The following ZDHHC18 variants were observed in gnomAD, a reference collection of about 807,000 sequenced individuals.
The protein encoded by ZDHHC18 is palmitoyltransferase ZDHHC18.
ZDHHC18 carries 23 observed loss-of-function variants against 37.5 expected under a neutral mutation model. The observed-to-expected ratio is 0.61, with a 90% CI of 0.44 to 0.87. ZDHHC18 has a LOEUF of 0.87. Among genes scored for constraint, ZDHHC18 ranks in the 40% least tolerant of loss-of-function variants. The pLI is 0.00. For synonymous variants in ZDHHC18, 185 were observed against 218.7 expected (o/e 0.85, Z 1.36); for missense variants, 406 against 525.6 (o/e 0.77, Z 2.22).
intron 2 of ZDHHC18, among the ~76,000 whole-genome samples, chr1:26,846,136 A>C (rs1221021553): frequency 6.7e-6 from 1 of 149,246 alleles, no homozygotes; most frequent in Admixed American, 6.8e-5. Flanking sequence ...GTGTGTATAT[A>C]TATGTGTGTA....
chr1:26,839,328 G>A (rs566129361), intron 2 of ZDHHC18, among the ~76,000 whole-genome samples: 1 of 152,172 alleles, frequency 6.6e-6, no homozygotes, highest in Non-Finnish European at 1.5e-5. Flanking sequence ...CCTGAGGGCA[G>A]GGATAGCATC....
At chr1:26,835,227 A>G (rs2081606273) in intron 2 of ZDHHC18, among the ~76,000 whole-genome samples, 1 of 152,188 alleles carries the variant, frequency 6.6e-6, no homozygotes, top group African/African-American at 2.4e-5. Context: ...GATATTAGAG[A>G]TATTCCAGTT....
rs2081695667 is a variant in ZDHHC18 at position 26,850,298 on chromosome 1, C to T, written c.647-3C>T. The T allele has an allele frequency of 1.2e-6, 2 of 1,614,102 alleles. No homozygotes were observed. The highest frequency in any genetic ancestry group is 1.7e-6 in the Non-Finnish European group (2 of 1,179,980). ...TAACCCATCGCCCCTTGCCCTTGTC[C>T]AGAACGATTTGACCATCACTGCCCC... On this transcript the variant is annotated splice_region_variant and splice_polypyrimidine_tract_variant and intron_variant, in intron 3 of 7. Coordinates refer to ENST00000374142, the MANE Select transcript of ZDHHC18 (RefSeq NM_032283.3). The surrounding 1 kb of genome is among the most constrained non-coding windows in gnomAD (Gnocchi z 6.1).
intron 2 of ZDHHC18, among the ~76,000 whole-genome samples, chr1:26,836,325 C>T (rs1208605748): frequency 2.0e-5 from 3 of 152,176 alleles, no homozygotes; most frequent in Non-Finnish European, 4.4e-5. Flanking sequence ...AGACCTGCCT[C>T]GTGTTCCACC....
Position 26,846,290 on chromosome 1 carries a change from G to GTGTA in ZDHHC18, c.497-2317_497-2316insGTAT, listed in dbSNP as rs1176068068. On this transcript the variant is annotated intron_variant, in intron 2 of 7. Coordinates refer to ENST00000374142, the MANE Select transcript of ZDHHC18 (RefSeq NM_032283.3). ...GAGATATATGTGTGTGTGTGTGTGT[G>GTGTA]TATATATATATATATATATATTTTT... 4.0e-3 allele frequency among the ~76,000 whole-genome samples: 192 copies of GTGTA among 47,852 alleles called. 1 individual carries two copies. Among genetic ancestry groups the GTGTA allele is most frequent in the Middle Eastern group, 0.02 (1 of 50 alleles). 31.4% of individuals were successfully genotyped at this position (47,852 alleles called of 152,430 possible).
intron 2 of ZDHHC18, among the ~76,000 whole-genome samples, chr1:26,836,563 T>C (rs919841554): frequency 1.3e-5 from 2 of 149,194 alleles, no homozygotes; most frequent in Admixed American, 6.7e-5. Flanking sequence ...TCTTTTTTTT[T>C]CTTTTTTTCT....
At position 26,834,463 on chromosome 1, in the gene ZDHHC18, A is replaced by G. The variant is rs139698467; in HGVS notation, c.496+1856A>G. ...TCTTCTGAGATGGCAGCAGGGACACATCTCCTTCATCCTCTTCTCCACTTG... is the reference window on the plus strand; with the variant it reads ...TCTTCTGAGATGGCAGCAGGGACACGTCTCCTTCATCCTCTTCTCCACTTG... On this transcript the variant is annotated intron_variant, in intron 2 of 7. Transcript: ENST00000374142. Among the ~76,000 whole-genome samples, 265 of 152,232 alleles carry G rather than the reference A, an allele frequency of 1.7e-3. 3 individuals are homozygous for G. The highest frequency in any genetic ancestry group is 6.0e-3 in the African/African-American group (249 of 41,528).
chr1:26,846,381 C>T (rs1228859083), intron 2 of ZDHHC18, among the ~76,000 whole-genome samples: 7 of 116,462 alleles, frequency 6.0e-5, no homozygotes, highest in Non-Finnish European at 8.1e-5. Flanking sequence ...GGCTGGAGTG[C>T]AGTGGCCCAA....
chr1:26,838,720 G>A (rs181822873), intron 2 of ZDHHC18, among the ~76,000 whole-genome samples: 6 of 152,228 alleles, frequency 3.9e-5, no homozygotes, highest in Admixed American at 6.5e-5. Flanking sequence ...GATTAGGCAG[G>A]CCCAGAGTCA....
chr1:26,838,266 A>C (rs1418889666), intron 2 of ZDHHC18, among the ~76,000 whole-genome samples: 3 of 152,048 alleles, frequency 2.0e-5, no homozygotes. Context: ...AAGTGCTGGA[A>C]TTACAGGTGT....
intron 2 of ZDHHC18, among the ~76,000 whole-genome samples, chr1:26,837,357 T>C (rs2081616957): frequency 6.8e-6 from 1 of 147,790 alleles, no homozygotes; most frequent in Admixed American, 6.8e-5. Flanking sequence ...ACATATTTAA[T>C]ATGTATAATA....
intron 2 of ZDHHC18, among the ~76,000 whole-genome samples, chr1:26,843,411 G>T (rs2081648309): frequency 1.3e-5 from 2 of 151,084 alleles, no homozygotes. Flanking sequence ...AAAGTGCTGG[G>T]ATTACAGGCG....
intron 2 of ZDHHC18, among the ~76,000 whole-genome samples, chr1:26,839,394 C>A (rs1018261704): frequency 2.6e-5 from 4 of 152,160 alleles, no homozygotes; most frequent in African/African-American, 9.7e-5. Flanking sequence ...TTTGAACATC[C>A]ACAGTATGTC....
At chr1:26,836,443 C>G (rs1012372067) in intron 2 of ZDHHC18, among the ~76,000 whole-genome samples, 46 of 152,300 alleles carry the variant, frequency 3.0e-4, no homozygotes, top group Admixed American at 9.8e-4. Context: ...TGCCCTGTCC[C>G]CCCACAAACC....
chr1:26,845,815 A>G (rs2081661188), intron 2 of ZDHHC18, among the ~76,000 whole-genome samples: 3 of 151,886 alleles, frequency 2.0e-5, no homozygotes. Context: ...AGGCTGGAGT[A>G]CAGTGGCACA....
intron 2 of ZDHHC18, among the ~76,000 whole-genome samples, chr1:26,843,653 A>G: frequency 6.6e-6 from 1 of 151,658 alleles, no homozygotes; most frequent in East Asian, 2.0e-4. Context: ...ATCTGGGCGT[A>G]GTGGCACACA....
At chr1:26,840,432 A>C (rs1434579419) in intron 2 of ZDHHC18, among the ~76,000 whole-genome samples, 2 of 152,140 alleles carry the variant, frequency 1.3e-5, no homozygotes, top group African/African-American at 2.4e-5. Flanking sequence ...AGATGGACTC[A>C]ATGATGTTCC....
At chr1:26,827,838 TC>T (rs1454535197) in intron 1 of ZDHHC18, among the ~76,000 whole-genome samples, 1 of 152,008 alleles carries the variant, frequency 6.6e-6, no homozygotes, top group East Asian at 1.9e-4. Flanking sequence ...CTCCAGAGCT[TC>T]CTGTCCTTCC....
rs79515699 is a variant in ZDHHC18 at position 26,848,472 on chromosome 1, C to A, written c.497-136C>A. 5,756 of 1,173,042 alleles carry A rather than the reference C, an allele frequency of 4.9e-3. 218 individuals carry two copies. In the African/African-American group the frequency reaches 0.075, roughly 15 times the overall value. The allele number at this position is 1,173,042 out of a possible 1,614,324, so 72.7% of individuals were successfully genotyped here. A position where few individuals can be genotyped will look rare whatever the true frequency, so the allele number is the denominator to read the frequency against. ...CCTGCCTTAGGCCAGACATTTTACT[C>A]CAATGTTTGTTCCTGGGAACCTGTT... On this transcript the variant is annotated intron_variant, in intron 2 of 7. Transcript: ENST00000374142.
Sources: gnomAD v4.1 joint callset for allele counts (sites outside exome capture counted in the v4.1 genomes callset) on GRCh38, gnomAD v4.1.1 for gene constraint, Gnocchi (gnomAD v3.1) non-coding constraint, MANE v1.5 for transcripts, NCBI Gene and HGNC (gene_info 2026-07-23, HGNC 2026-07-21) for gene names.